Variants in KIF1B observed in about 807,000 individuals in gnomAD.
The protein encoded by KIF1B is kinesin-like protein KIF1B.
A neutral mutation model predicts 241.9 loss-of-function variants in KIF1B; 76 were observed. The observed-to-expected ratio is 0.31, with a 90% CI of 0.26 to 0.38. The LOEUF is 0.38. Ranked by LOEUF, KIF1B falls within the 10% of genes least tolerant of loss-of-function variation. KIF1B has a pLI of 1.00. For missense variants in KIF1B, 1,622 were observed against 2,271.4 expected (o/e 0.71, Z 5.81); for synonymous variants, 750 against 796.7 (o/e 0.94, Z 0.99).
chr1:10,373,045 G>A, intron 45 of KIF1B, among the ~76,000 whole-genome samples: 1 of 151,468 alleles, frequency 6.6e-6, no homozygotes, highest in East Asian at 2.0e-4. Context: ...TCAAACTGCT[G>A]ACCTTATGAT....
rs375130478 is a variant in KIF1B at position 10,365,440 on chromosome 1, G to T, written c.4544G>T (p.Arg1515Leu). ...VEKTRHFLLL[R>L]ERLGDSIPKS... ...AAAACCCGCCACTTTTTGCTGCTGC[G>T]TGAGAGACTTGGTGACAGCATCCCC... The change falls in exon 43 of 49, where the codon CGT (arginine) becomes CTT (leucine). Residue 1515 changes from arginine to leucine, a missense_variant. Arg to Leu is a moderately radical substitution (Grantham distance 102). This residue lies in a region of KIF1B where 357 missense variants were observed against 409.0 expected (regional missense o/e 0.87). Coordinates refer to ENST00000676179, the MANE Select transcript of KIF1B (RefSeq NM_001365951.3). The surrounding 1 kb of genome is among the most constrained non-coding windows in gnomAD (Gnocchi z 4.0). 5.0e-6 allele frequency: 8 copies of T among 1,614,026 alleles called. No individual in the cohort carries two copies. In the African/African-American group the frequency reaches 8.0e-5, roughly 16 times the overall value.
At chr1:10,309,985 C>G (rs1650999416) in intron 22 of KIF1B, among the ~76,000 whole-genome samples, 1 of 151,414 alleles carries the variant, frequency 6.6e-6, no homozygotes. Flanking sequence ...TCATGCTTAC[C>G]TCCCCTTCCA....
At chr1:10,314,423 TTTG>T (rs1236030148) in intron 22 of KIF1B, among the ~76,000 whole-genome samples, 2 of 151,254 alleles carry the variant, frequency 1.3e-5, no homozygotes, top group Non-Finnish European at 2.9e-5. Context: ...TTTGTTTGTT[TTTG>T]TTGTTGTTTT....
chr1:10,291,910 A>G, intron 16 of KIF1B, 137 bp from the exon 17 acceptor site: 1 of 719,776 alleles, frequency 1.4e-6, no homozygotes, highest in East Asian at 2.6e-5. Context: ...AGATAAGCAC[A>G]TTATTTTATG....
chr1:10,356,812 A>G (rs1347723175), intron 38 of KIF1B, among the ~76,000 whole-genome samples: 1 of 151,940 alleles, frequency 6.6e-6, no homozygotes, highest in East Asian at 1.9e-4. Context: ...AGGCAGGAGA[A>G]TCGCTTGAAC....
intron 32 of KIF1B, among the ~76,000 whole-genome samples, chr1:10,340,360 T>C (rs956013297): frequency 2.0e-5 from 3 of 152,220 alleles, no homozygotes; most frequent in Non-Finnish European, 4.4e-5. Context: ...GACCCTTCCC[T>C]CTCTTACGTG....
intron 2 of KIF1B, among the ~76,000 whole-genome samples, chr1:10,238,066 T>TTA (rs1647081486): frequency 5.9e-5 from 9 of 151,748 alleles, no homozygotes; most frequent in African/African-American, 9.7e-5. Context: ...AATGGAGATT[T>TTA]GGAAAGGAAG....
Position 10,381,126 on chromosome 1 carries a change from A to AT in KIF1B, c.*4547dup, listed in dbSNP as rs1176951809. 6 of 220,882 alleles carry AT rather than the reference A, an allele frequency of 2.7e-5. No individual in the cohort carries two copies. The highest frequency in any genetic ancestry group is 1.9e-4 in the South Asian group (1 of 5,400). 13.7% of individuals were successfully genotyped at this position (220,882 alleles called of 1,614,324 possible). On this transcript the variant is annotated 3_prime_UTR_variant, in exon 49 of 49. Transcript: ENST00000676179. ...TGTTGTTCTTCATGTCTTCGAGTTC[A>AT]TTTTTTTTCATTCTGCCTATTCTGG...
In KIF1B at chr1:10,334,716, G is replaced by A. The variant is rs201012521; in HGVS notation, c.3043+78G>A. On this transcript the variant is annotated intron_variant, in intron 28 of 48. Transcript: ENST00000676179. ...AGCAGGCTGATTCTGCGTGGGTCACGCTTATATTACACATACAAACTGTGG... is the reference window on the plus strand; with the variant it reads ...AGCAGGCTGATTCTGCGTGGGTCACACTTATATTACACATACAAACTGTGG... 3.1e-4 allele frequency: 343 copies of A among 1,089,070 alleles called. 1 individual carries two copies. In the African/African-American group the frequency reaches 4.0e-3, roughly 13 times the overall value. The allele number at this position is 1,089,070 out of a possible 1,614,324, so 67.5% of individuals were successfully genotyped here.
At chr1:10,239,100 C>T (rs879677638) in intron 2 of KIF1B, among the ~76,000 whole-genome samples, 2 of 152,104 alleles carry the variant, frequency 1.3e-5, no homozygotes, top group Admixed American at 1.3e-4. Flanking sequence ...AGTCCTGTGC[C>T]ACCACACCTG....
At chr1:10,292,156 G>A in intron 17 of KIF1B, 34 bp downstream of exon 17, 1 of 1,554,978 alleles carries the variant, frequency 6.4e-7, no homozygotes, top group Non-Finnish European at 8.9e-7. Context: ...TAATCAGACA[G>A]AGACACTTTT....
intron 35 of KIF1B, 73 bp downstream of exon 35, chr1:10,346,026 T>C (rs1652575519): frequency 1.0e-6 from 1 of 962,322 alleles, no homozygotes; most frequent in South Asian, 1.4e-5. Context: ...TGAATCTTCT[T>C]GTATTTGGGT....
chr1:10,231,712 G>A (rs146641763), intron 1 of KIF1B, among the ~76,000 whole-genome samples: 1 of 152,092 alleles, frequency 6.6e-6, no homozygotes, highest in Admixed American at 6.6e-5. Flanking sequence ...AAGAGAAGTA[G>A]TAAGTGGTTT....
chr1:10,338,203 T>C (rs1317792158), intron 31 of KIF1B, among the ~76,000 whole-genome samples: 1 of 152,148 alleles, frequency 6.6e-6, no homozygotes. Flanking sequence ...GACCCCTCCA[T>C]ACCTACCGCC....
At chr1:10,306,635 G>A (rs1056387824) in intron 22 of KIF1B, 6 of 572,336 alleles carry the variant, frequency 1.0e-5, no homozygotes, top group African/African-American at 7.9e-5. Context: ...GCATCAGGAC[G>A]GGTGAACCCA....
At chr1:10,269,754 G>T (rs1242866741) in intron 7 of KIF1B, among the ~76,000 whole-genome samples, 1 of 152,206 alleles carries the variant, frequency 6.6e-6, no homozygotes, top group African/African-American at 2.4e-5. Context: ...GGAGGCAGAG[G>T]TTGCAGTTGG....
chr1:10,330,113 T>C (rs1460994171), intron 27 of KIF1B, among the ~76,000 whole-genome samples: 1 of 152,206 alleles, frequency 6.6e-6, no homozygotes, highest in Admixed American at 6.5e-5. Flanking sequence ...TATTCCCCTC[T>C]CTCATCCCTG....
At chr1:10,240,721 ATTT>A (rs34449939) in intron 2 of KIF1B, among the ~76,000 whole-genome samples, 23 of 110,094 alleles carry the variant, frequency 2.1e-4, no homozygotes, top group Admixed American at 7.5e-4. Flanking sequence ...TGGGTAGTTC[ATTT>A]TTTTTTTTTT....
intron 35 of KIF1B, among the ~76,000 whole-genome samples, chr1:10,346,283 CTG>C (rs1224781959): frequency 1.3e-5 from 2 of 152,128 alleles, no homozygotes; most frequent in African/African-American, 2.4e-5. Context: ...AGAGAACTGA[CTG>C]TTGAGCATAA....
Sources: gnomAD v4.1 joint callset for allele counts (sites outside exome capture counted in the v4.1 genomes callset) on GRCh38, gnomAD v4.1.1 for gene constraint, gnomAD v4.1.1 regional missense constraint, Gnocchi (gnomAD v3.1) non-coding constraint, MANE v1.5 for transcripts, NCBI Gene and HGNC (gene_info 2026-07-23, HGNC 2026-07-21) for gene names.